Variants in CPLX2 observed in about 807,000 individuals in gnomAD.
CPLX2 encodes the protein complexin-2.
In CPLX2, 5 loss-of-function variants were observed where a neutral mutation model predicts 16.3. The ratio of observed to expected loss-of-function variants is 0.31; its 90% CI spans 0.16 to 0.64. The LOEUF (loss-of-function observed/expected upper bound fraction) is 0.64, where lower values mean the gene tolerates loss of function less well. Ranked by LOEUF, CPLX2 falls within the 30% of genes least tolerant of loss-of-function variation. CPLX2 has a pLI of 0.79. For missense variants in CPLX2, 144 were observed against 181.4 expected (o/e 0.79, Z 1.18); for synonymous variants, 89 against 73.2 (o/e 1.22, Z -1.10).
At chr5:175,875,963 T>A (rs1266294292) in intron 1 of CPLX2, among the ~76,000 whole-genome samples, 1 of 151,956 alleles carries the variant, frequency 6.6e-6, no homozygotes, top group East Asian at 1.9e-4. Context: ...CAATGTCTGA[T>A]GAATGCATGC....
exon 1 of CPLX2, chr5:175,796,661 G>A (rs1757981378): frequency 1.3e-5 from 2 of 152,656 alleles, no homozygotes; most frequent in Admixed American, 1.3e-4. Context: ...GCGTGCACGT[G>A]TGCTAGCCCA....
chr5:175,876,454 AAGAGG>A (rs1392249283), intron 1 of CPLX2, among the ~76,000 whole-genome samples: 3 of 152,072 alleles, frequency 2.0e-5, no homozygotes, highest in African/African-American at 7.3e-5. Flanking sequence ...AAGAGAAGAA[AAGAGG>A]AGAGGAGAGG....
intron 2 of CPLX2, among the ~76,000 whole-genome samples, chr5:175,843,113 A>T (rs1226173640): frequency 6.6e-6 from 1 of 152,094 alleles, no homozygotes; most frequent in East Asian, 1.9e-4. Flanking sequence ...CGGGTAGGGG[A>T]GGGCCAGTCG....
intron 2 of CPLX2, among the ~76,000 whole-genome samples, chr5:175,844,897 T>C (rs1759013837): frequency 1.3e-5 from 2 of 152,210 alleles, no homozygotes; most frequent in African/African-American, 2.4e-5. Flanking sequence ...GAGGGCTGGA[T>C]TGTATTTCTG....
chr5:175,833,395 C>T lies in CPLX2; in HGVS notation c.-89+24327C>T, dbSNP rs564735591. Among the ~76,000 whole-genome samples, 121 of 152,130 alleles carry T rather than the reference C, an allele frequency of 8.0e-4. 1 individual carries two copies. Among genetic ancestry groups the T allele is most frequent in the East Asian group, 5.8e-4 (3 of 5,172 alleles). On this transcript the variant is annotated intron_variant, in intron 2 of 4. Transcript: ENST00000359546. ...AGAACTCGTGGTGAAGAAACACAAA[C>T]GCACAGAAGGCCTCTAGGGTGCTCA...
chr5:175,837,387 AG>A, intron 2 of CPLX2: 1 of 152,356 alleles, frequency 6.6e-6, no homozygotes, highest in Non-Finnish European at 1.5e-5. Context: ...TTCAGGCTGC[AG>A]GGGAAGATGA....
intron 2 of CPLX2, among the ~76,000 whole-genome samples, chr5:175,835,824 C>T (rs1032496748): frequency 1.4e-5 from 2 of 147,034 alleles, no homozygotes; most frequent in African/African-American, 5.1e-5. Context: ...CTGCAGCCTC[C>T]ACATCCCGGG....
At chr5:175,848,591 T>C (rs965660619) in intron 2 of CPLX2, among the ~76,000 whole-genome samples, 1 of 152,030 alleles carries the variant, frequency 6.6e-6, no homozygotes, top group Non-Finnish European at 1.5e-5. Flanking sequence ...GAAGGGTGGG[T>C]GAGGGTCCTA....
At chr5:175,833,182 A>C (rs1001775832) in intron 2 of CPLX2, among the ~76,000 whole-genome samples, 14 of 151,200 alleles carry the variant, frequency 9.3e-5, no homozygotes, top group African/African-American at 3.4e-4. Context: ...AAGAAAAGAA[A>C]GGAAAAGAAA....
intron 2 of CPLX2, among the ~76,000 whole-genome samples, chr5:175,858,997 C>A (rs141299863): frequency 6.6e-6 from 1 of 152,212 alleles, no homozygotes; most frequent in Non-Finnish European, 1.5e-5. Context: ...AGAGAAGCCA[C>A]GTGATCTGAT....
intron 2 of CPLX2, among the ~76,000 whole-genome samples, chr5:175,843,023 C>A (rs930745051): frequency 2.0e-5 from 3 of 152,194 alleles, no homozygotes; most frequent in African/African-American, 7.2e-5. Context: ...CTCATCCCCC[C>A]AGGCTGAGCT....
chr5:175,856,810 T>TG (rs1759266918), intron 2 of CPLX2, among the ~76,000 whole-genome samples: 1 of 151,992 alleles, frequency 6.6e-6, no homozygotes, highest in Admixed American at 6.6e-5. Context: ...GAGGACCAGC[T>TG]GGGGTGTGAT....
rs561630035 is a variant in CPLX2, at chr5:175,826,325, T to C, written c.-89+17257T>C. 4.6e-5 allele frequency among the ~76,000 whole-genome samples: 7 copies of C among 152,136 alleles called. No individual in the cohort carries two copies. The East Asian group carries it at 1.4e-3, about 29-fold the overall frequency. ...ATTCTAAGGAGGAGTCCAGGTTGTT[T>C]GAATACAAGGGGATGGACAAAAGGT... On this transcript the variant is annotated intron_variant, in intron 2 of 4. Transcript: ENST00000359546.
chr5:175,822,341 A>C (rs1406805443), intron 2 of CPLX2, among the ~76,000 whole-genome samples: 2 of 152,138 alleles, frequency 1.3e-5, no homozygotes, highest in Non-Finnish European at 2.9e-5. Flanking sequence ...GACCACGTGG[A>C]CTTTGATGTC....
rs562702861 is a variant in CPLX2, at chr5:175,823,400, G to A, written c.-89+14332G>A. Among the ~76,000 whole-genome samples the A allele has an allele frequency of 5.3e-5, 8 of 152,276 alleles. No individual in the cohort carries two copies. In the South Asian group the frequency reaches 8.3e-4, roughly 16 times the overall value. ...TGAATGAATGAGTGAGTGGTGGAGC[G>A]TATGAACGATGGACGATTGGTTGGA... On this transcript the variant is annotated intron_variant, in intron 2 of 4. Transcript: ENST00000359546.
chr5:175,822,842 C>T lies in CPLX2; in HGVS notation c.-89+13774C>T, dbSNP rs571669175. Reference sequence around the variant, plus strand: ...TGGGTCCCACGCTATCACACGGACCCGTTAATGATGGGATCCTCCCACCCA... The same window carrying T: ...TGGGTCCCACGCTATCACACGGACCTGTTAATGATGGGATCCTCCCACCCA... On this transcript the variant is annotated intron_variant, in intron 2 of 4. Coordinates refer to the CPLX2 transcript ENST00000359546. Among the ~76,000 whole-genome samples the T allele has an allele frequency of 9.3e-4, 142 of 152,352 alleles. 1 individual carries two copies. The highest frequency in any genetic ancestry group is 3.4e-3 in the Middle Eastern group (1 of 294).
At chr5:175,835,226 C>G (rs542251263) in intron 2 of CPLX2, among the ~76,000 whole-genome samples, 6 of 152,112 alleles carry the variant, frequency 3.9e-5, no homozygotes, top group South Asian at 2.1e-4. Context: ...CCTGGAGCAG[C>G]TAAAACAAGA....
At chr5:175,853,754 C>T (rs999152127) in intron 2 of CPLX2, among the ~76,000 whole-genome samples, 6 of 152,326 alleles carry the variant, frequency 3.9e-5, no homozygotes, top group East Asian at 1.9e-4. Flanking sequence ...TGGAACCACA[C>T]GGCCAGAGCA....
intron 1 of CPLX2, among the ~76,000 whole-genome samples, chr5:175,801,051 G>A (rs371730889): frequency 5.8e-4 from 88 of 152,254 alleles, no homozygotes; most frequent in Middle Eastern, 6.8e-3. Flanking sequence ...CCAGGGGCAG[G>A]GAGGGGGCAG....
Sources: gnomAD v4.1 joint callset for allele counts (sites outside exome capture counted in the v4.1 genomes callset) on GRCh38, gnomAD v4.1.1 for gene constraint, MANE v1.5 for transcripts, NCBI Gene and HGNC (gene_info 2026-07-23, HGNC 2026-07-21) for gene names.